Variants in SPRR2B observed in about 807,000 individuals in gnomAD.
SPRR2B encodes small proline-rich protein 2B.
Under a neutral mutation model 1.0 loss-of-function variants are expected in SPRR2B, and 1 was observed. The ratio of observed to expected loss-of-function variants is 1.01; its 90% CI spans 0.36 to 4.77. The LOEUF is 4.77. Ranked by LOEUF, SPRR2B falls within the 30% of genes most tolerant of loss-of-function variation. The pLI is 0.16. For missense variants in SPRR2B, 53 were observed against 88.7 expected, an observed-to-expected ratio of 0.60 and a Z score of 1.62; for synonymous variants, 27 against 33.4, an observed-to-expected ratio of 0.81 and a Z score of 0.66.
the SPRR2B span, among the ~76,000 whole-genome samples, chr1:153,082,840 A>T: frequency 1.3e-5 from 2 of 152,322 alleles, no homozygotes; most frequent in Non-Finnish European, 1.5e-5. Context: ...CCCCAAAAAG[A>T]AAACATGAGC....
chr1:153,082,798 G>C, the SPRR2B span, among the ~76,000 whole-genome samples: 2 of 151,700 alleles, frequency 1.3e-5, no homozygotes, highest in African/African-American at 4.8e-5. Flanking sequence ...TATTGCACTT[G>C]GGAAACTACA....
Position 153,070,313 on chromosome 1 carries a change from A to G in SPRR2B, c.*308T>C, listed in dbSNP as rs999505289. ...GCTCATGCCCAGGTGAAAGACAGAC[A>G]CAGAACACATCAACAGAATTCTCTG... On this transcript the variant is annotated 3_prime_UTR_variant, in exon 2 of 2. Transcript: ENST00000368755. 7.5e-6 allele frequency: 4 copies of G among 532,844 alleles called. No homozygotes were observed. Among genetic ancestry groups the G allele is most frequent in the Non-Finnish European group, 1.3e-5 (4 of 307,374 alleles). 33.0% of individuals were successfully genotyped at this position (532,844 alleles called of 1,614,324 possible).
chr1:153,080,564 TC>T, the SPRR2B span, among the ~76,000 whole-genome samples: 2 of 152,096 alleles, frequency 1.3e-5, no homozygotes, highest in East Asian at 3.9e-4. Flanking sequence ...AACAACACAC[TC>T]TTAAAAAGTC....
chr1:153,077,207 C>G, the SPRR2B span, among the ~76,000 whole-genome samples: 1 of 152,090 alleles, frequency 6.6e-6, no homozygotes, highest in African/African-American at 2.4e-5. Flanking sequence ...GTATTTAAAG[C>G]CATAAAAGAA....
chr1:153,084,290 T>G, the SPRR2B span, among the ~76,000 whole-genome samples: 1 of 152,084 alleles, frequency 6.6e-6, no homozygotes, highest in African/African-American at 2.4e-5. Context: ...AGAGTGTGCA[T>G]CCTGCCCTGT....
upstream of SPRR2B, among the ~76,000 whole-genome samples, chr1:153,073,456 A>G (rs772060149): frequency 5.3e-5 from 8 of 151,974 alleles, no homozygotes; most frequent in Non-Finnish European, 1.2e-4. Context: ...CCTTCTGAGA[A>G]CACCCCACTC....
chr1:153,080,641 T>C, the SPRR2B span, among the ~76,000 whole-genome samples: 1 of 152,186 alleles, frequency 6.6e-6, no homozygotes, highest in Middle Eastern at 3.2e-3. Context: ...GTTTGAACTG[T>C]AACATAGGAT....
chr1:153,076,481 T>C (rs1570991024), upstream of SPRR2B, among the ~76,000 whole-genome samples: 1 of 151,942 alleles, frequency 6.6e-6, no homozygotes, highest in South Asian at 2.1e-4. Context: ...TCCAAAAAAG[T>C]CAAAAAGGAA....
At chr1:153,075,112 A>G (rs1654747805), upstream of SPRR2B, among the ~76,000 whole-genome samples, 1 of 152,140 alleles carries the variant, frequency 6.6e-6, no homozygotes, top group Non-Finnish European at 1.5e-5. Flanking sequence ...TCGGGAGACC[A>G]ACGTGGGTTG....
At chr1:153,075,680 G>A (rs560308593), upstream of SPRR2B, among the ~76,000 whole-genome samples, 47 of 151,520 alleles carry the variant, frequency 3.1e-4, no homozygotes, top group Non-Finnish European at 6.0e-4. Flanking sequence ...TAATCAAAGA[G>A]ATAGGGGCAA....
At chr1:153,081,280 G>A in the SPRR2B span, among the ~76,000 whole-genome samples, 1 of 152,140 alleles carries the variant, frequency 6.6e-6, no homozygotes, top group Admixed American at 6.5e-5. Context: ...ATTATCAAAA[G>A]AGAGAATCTT....
the SPRR2B span, among the ~76,000 whole-genome samples, chr1:153,081,825 CTTTT>C: frequency 1.2e-4 from 17 of 137,000 alleles, no homozygotes; most frequent in Non-Finnish European, 1.1e-4. Context: ...CTTTTCTTTT[CTTTT>C]TTTTTTTTTT....
the SPRR2B span, among the ~76,000 whole-genome samples, chr1:153,084,731 G>A: frequency 3.3e-5 from 5 of 152,082 alleles, no homozygotes; most frequent in Non-Finnish European, 7.4e-5. Flanking sequence ...AACAAGAATG[G>A]ACCCCACTGC....
At chr1:153,073,896 C>A (rs905989987), upstream of SPRR2B, among the ~76,000 whole-genome samples, 4 of 152,144 alleles carry the variant, frequency 2.6e-5, no homozygotes, top group African/African-American at 9.7e-5. Flanking sequence ...CAGGAAAGAA[C>A]AAATACTTTA....
chr1:153,074,707 G>C (rs903334254), upstream of SPRR2B, among the ~76,000 whole-genome samples: 2 of 152,192 alleles, frequency 1.3e-5, no homozygotes, highest in Non-Finnish European at 2.9e-5. Context: ...TGAAATTACA[G>C]ATGATACCTA....
At chr1:153,073,918 T>C (rs868373953), upstream of SPRR2B, among the ~76,000 whole-genome samples, 2 of 152,330 alleles carry the variant, frequency 1.3e-5, no homozygotes, top group Middle Eastern at 3.4e-3. Flanking sequence ...TTTTTTGTGA[T>C]TCACAAAGTA....
the SPRR2B span, among the ~76,000 whole-genome samples, chr1:153,077,570 C>T: frequency 3.4e-5 from 5 of 147,668 alleles, no homozygotes; most frequent in South Asian, 2.1e-4. Context: ...AATTTGTGAA[C>T]GCAAAAAAAA....
the SPRR2B span, among the ~76,000 whole-genome samples, chr1:153,079,402 A>C: frequency 0.42 from 63,242 of 151,858 alleles, 13,582 homozygotes; most frequent in Non-Finnish European, 0.46. Flanking sequence ...GCTTTTGTTG[A>C]CATTGCTTTT....
the SPRR2B span, among the ~76,000 whole-genome samples, chr1:153,080,985 A>G: frequency 6.6e-6 from 1 of 152,234 alleles, no homozygotes; most frequent in Non-Finnish European, 1.5e-5. Flanking sequence ...AAGACTCACA[A>G]AGACATGGTT....
Sources: gnomAD v4.1 joint callset for allele counts (sites outside exome capture counted in the v4.1 genomes callset) on GRCh38, gnomAD v4.1.1 for gene constraint, MANE v1.5 for transcripts, NCBI Gene and HGNC (gene_info 2026-07-23, HGNC 2026-07-21) for gene names.